The following TMEM51 variants were observed in gnomAD, a reference collection of about 807,000 sequenced individuals.
TMEM51 encodes the protein chromosome 1 open reading frame 72.
A neutral mutation model predicts 13.6 loss-of-function variants in TMEM51; 8 were observed. The observed-to-expected ratio is 0.59, with a 90% CI of 0.35 to 1.07. The LOEUF (loss-of-function observed/expected upper bound fraction) is 1.07. TMEM51 is among the 50% of genes least tolerant of loss of function. The pLI, the probability that TMEM51 is intolerant of heterozygous loss-of-function variation, is 0.02. For missense variants in TMEM51, 279 were observed against 330.7 expected (o/e 0.84, Z 1.21); for synonymous variants, 147 against 144.4 (o/e 1.02, Z -0.13).
rs1010534691 is a variant in TMEM51, at chr1:15,161,364, G to A, written c.-267+7410G>A. 1.3e-5 allele frequency among the ~76,000 whole-genome samples: 2 copies of A among 151,582 alleles called. No individual in the cohort carries two copies. The highest frequency in any genetic ancestry group is 2.9e-5 in the Non-Finnish European group (2 of 67,980). ...TCTACTAAAAATAGAAAAATTACCCGGTATGGTGGCAGGTGCCTGTAATCC... is the reference window on the plus strand; with the variant it reads ...TCTACTAAAAATAGAAAAATTACCCAGTATGGTGGCAGGTGCCTGTAATCC... On this transcript the variant is annotated intron_variant, in intron 1 of 3. Coordinates refer to ENST00000376008, the MANE Select transcript of TMEM51 (RefSeq NM_001136218.2). The surrounding 1 kb of genome is among the most constrained non-coding windows in gnomAD (Gnocchi z 4.0).
At chr1:15,204,147 C>G (rs1644207587) in intron 1 of TMEM51, among the ~76,000 whole-genome samples, 1 of 152,238 alleles carries the variant, frequency 6.6e-6, no homozygotes, top group Non-Finnish European at 1.5e-5. Flanking sequence ...TTCACACAAG[C>G]CTGGCTGGCC....
chr1:15,163,654 A>G (rs1389936893), intron 1 of TMEM51, among the ~76,000 whole-genome samples: 1 of 136,564 alleles, frequency 7.3e-6, no homozygotes, highest in African/African-American at 2.5e-5. Context: ...AATAGCAACA[A>G]AATTAGAAAG....
chr1:15,184,154 C>A (rs1464017368), intron 1 of TMEM51, among the ~76,000 whole-genome samples: 1 of 89,232 alleles, frequency 1.1e-5, no homozygotes, highest in African/African-American at 3.3e-5. Context: ...TTCTCCTGCA[C>A]AGCCTCCCGA....
chr1:15,189,213 CTTTT>C (rs59346950), intron 1 of TMEM51, among the ~76,000 whole-genome samples: 1 of 92,830 alleles, frequency 1.1e-5, no homozygotes, highest in Non-Finnish European at 2.1e-5. Context: ...CTAATTTTTC[CTTTT>C]TTTTTTTTTT....
chr1:15,181,233 G>A (rs879042253), intron 1 of TMEM51, among the ~76,000 whole-genome samples: 3 of 152,188 alleles, frequency 2.0e-5, no homozygotes, highest in Admixed American at 1.3e-4. Flanking sequence ...ATATAGAACG[G>A]CACCCTGAAC....
chr1:15,181,107 C>A (rs953734280), intron 1 of TMEM51, among the ~76,000 whole-genome samples: 5 of 152,148 alleles, frequency 3.3e-5, no homozygotes, highest in African/African-American at 7.2e-5. Context: ...AGCTGTGGGA[C>A]CTTGGACAAG....
chr1:15,198,543 G>A (rs538139123), intron 1 of TMEM51, among the ~76,000 whole-genome samples: 20 of 151,986 alleles, frequency 1.3e-4, no homozygotes, highest in African/African-American at 4.1e-4. Context: ...TCAGCCTCCC[G>A]AGTAGCTGGG....
chr1:15,199,807 T>A (rs1644119269), intron 1 of TMEM51, among the ~76,000 whole-genome samples: 1 of 152,102 alleles, frequency 6.6e-6, no homozygotes, highest in Admixed American at 6.5e-5. Flanking sequence ...CAATATTGTA[T>A]CCTAGCTGCT....
At chr1:15,153,144 C>T (rs902038207), upstream of TMEM51, among the ~76,000 whole-genome samples, 12 of 152,224 alleles carry the variant, frequency 7.9e-5, no homozygotes, top group Non-Finnish European at 1.3e-4. Context: ...CTCGCTTCCT[C>T]CTTCCCTACT....
At chr1:15,173,202 C>T (rs1467994776) in intron 1 of TMEM51, among the ~76,000 whole-genome samples, 1 of 143,640 alleles carries the variant, frequency 7.0e-6, no homozygotes, top group Non-Finnish European at 1.5e-5. Flanking sequence ...TGGGGTTTAA[C>T]CTGATCATAT....
At chr1:15,212,904 T>G (rs1054219610) in intron 2 of TMEM51, among the ~76,000 whole-genome samples, 2 of 152,258 alleles carry the variant, frequency 1.3e-5, no homozygotes, top group Admixed American at 6.5e-5. Flanking sequence ...TGCCCCAGTG[T>G]GCCTTGGTGC....
chr1:15,207,955 T>C lies in TMEM51; in HGVS notation c.-266-2535T>C, dbSNP rs72874023. The stretch of plus-strand genomic sequence containing the variant: ...GGCTTGGACTGGGAATTTCCCCTCA[T>C]TGATATGAGACATTGGTTCAACTTT... On this transcript the variant is annotated intron_variant, in intron 1 of 3. Transcript: ENST00000376008. This position sits in a 1 kb window ranked among gnomAD's most constrained non-coding sequence, Gnocchi z 4.6. 3.0e-3 allele frequency among the ~76,000 whole-genome samples: 463 copies of C among 152,346 alleles called. 3 individuals are homozygous for C. The highest frequency in any genetic ancestry group is 8.9e-3 in the African/African-American group (371 of 41,582).
chr1:15,193,198 T>C (rs999965776), intron 1 of TMEM51, among the ~76,000 whole-genome samples: 3 of 152,216 alleles, frequency 2.0e-5, no homozygotes, highest in African/African-American at 7.2e-5. Flanking sequence ...ATTAGAGCCA[T>C]TCCAGGTGAC....
At chr1:15,168,351 A>G (rs1408484709) in intron 1 of TMEM51, 1 of 993,034 alleles carries the variant, frequency 1.0e-6, no homozygotes, top group Non-Finnish European at 1.3e-6. Flanking sequence ...GCACCAAAAG[A>G]AAGAAGGGGA....
rs996822856 is a variant in TMEM51 at position 15,219,591 on chromosome 1, C to G, written c.610C>G (p.Arg204Gly). The G allele has an allele frequency of 6.2e-7, 1 of 1,613,944 alleles. No homozygotes were observed. Among genetic ancestry groups the G allele is most frequent in the Non-Finnish European group, 8.5e-7 (1 of 1,180,040 alleles). The change falls in exon 4 of 4, where the codon CGA becomes GGA. Residue 204 changes from arginine to glycine, a missense_variant. Transcript: ENST00000376008. ...CAAACGACTGAAACCGCTGAAAGTT[C>G]GAAGGATTAAATCTGAAAAGCTTCA... ...LAKRLKPLKV[R>G]RIKSEKLHLK... is the part of the protein sequence containing the mutation.
At chr1:15,200,953 G>C in intron 1 of TMEM51, among the ~76,000 whole-genome samples, 1 of 152,226 alleles carries the variant, frequency 6.6e-6, no homozygotes, top group East Asian at 1.9e-4. Context: ...GGAGTGGGGG[G>C]CCCGGGAGGC....
At chr1:15,175,437 G>A (rs960668860) in intron 1 of TMEM51, among the ~76,000 whole-genome samples, 1 of 151,968 alleles carries the variant, frequency 6.6e-6, no homozygotes, top group African/African-American at 2.4e-5. Context: ...AAATAAACTA[G>A]GGCTGTAAGC....
At chr1:15,198,534 C>T (rs1244954805) in intron 1 of TMEM51, among the ~76,000 whole-genome samples, 3 of 152,134 alleles carry the variant, frequency 2.0e-5, no homozygotes, top group African/African-American at 4.8e-5. Flanking sequence ...CTCGGTGCCT[C>T]AGCCTCCCGA....
chr1:15,215,378 G>A lies in TMEM51; in HGVS notation c.291G>A (p.Leu97=), dbSNP rs762939933. 1.3e-5 allele frequency: 21 copies of A among 1,610,640 alleles called. No homozygotes were observed. In the Admixed American group the frequency reaches 3.5e-4, roughly 27 times the overall value. Residue 97 remains leucine, a synonymous_variant, in exon 3 of 4, where the codon CTG becomes CTA. Coordinates refer to ENST00000376008, the MANE Select transcript of TMEM51 (RefSeq NM_001136218.2). ...DKRKQRQGED[L]AHVQHPTGAG... is the part of the protein sequence containing the mutation. ...GGAAGCAGCGGCAGGGCGAGGACCTGGCCCATGTCCAGCACCCGACAGGCG... is the reference window on the plus strand; with the variant it reads ...GGAAGCAGCGGCAGGGCGAGGACCTAGCCCATGTCCAGCACCCGACAGGCG...
Sources: gnomAD v4.1 joint callset for allele counts (sites outside exome capture counted in the v4.1 genomes callset) on GRCh38, gnomAD v4.1.1 for gene constraint, Gnocchi (gnomAD v3.1) non-coding constraint, MANE v1.5 for transcripts, NCBI Gene and HGNC (gene_info 2026-07-23, HGNC 2026-07-21) for gene names.